KIF26B: variants seen among roughly 807,000 people sequenced by gnomAD.
KIF26B encodes the protein kinesin family member 26B, also known as kinesin-like protein KIF26B.
In KIF26B, 63 loss-of-function variants were observed where a neutral mutation model predicts 151.2. That is an observed-to-expected ratio of 0.42 (90% CI 0.34 to 0.51). The LOEUF is 0.51. Ranked by LOEUF, KIF26B falls within the 20% of genes least tolerant of loss-of-function variation. KIF26B has a pLI of 0.07. For synonymous variants in KIF26B, 1,357 were observed against 1,262.1 expected (o/e 1.08, Z -1.59); for missense variants, 2,813 against 2,913.6 (o/e 0.97, Z 0.79).
chr1:245,165,808 A>T (rs1302437553), intron 2 of KIF26B, among the ~76,000 whole-genome samples: 3 of 152,066 alleles, frequency 2.0e-5, no homozygotes, highest in Non-Finnish European at 2.9e-5. Context: ...GGAAGTAAGG[A>T]CTGAGGTTTT....
intron 4 of KIF26B, among the ~76,000 whole-genome samples, chr1:245,486,260 AG>A (rs1406112412): frequency 6.6e-6 from 1 of 152,244 alleles, no homozygotes; most frequent in Non-Finnish European, 1.5e-5. Flanking sequence ...CTCCAGAAAA[AG>A]GCTTCTGCCT....
chr1:245,358,849 A>G lies in KIF26B; in HGVS notation c.466-7985A>G, dbSNP rs774182171. 1.3e-4 allele frequency among the ~76,000 whole-genome samples: 20 copies of G among 152,328 alleles called. No homozygotes were observed. The highest frequency in any genetic ancestry group is 2.8e-4 in the Non-Finnish European group (19 of 68,036). ...CACTTTATTTTGTGTCATGTTGAAC[A>G]TGAACTTTAAAGTTAAGGGAAACAT... On this transcript the variant is annotated intron_variant, in intron 2 of 14. Transcript: ENST00000407071. The surrounding 1 kb of genome is among the most constrained non-coding windows in gnomAD (Gnocchi z 4.1).
Position 245,703,086 on chromosome 1 carries a change from T to C in KIF26B, c.*480T>C, listed in dbSNP as rs1334495680. On this transcript the variant is annotated 3_prime_UTR_variant, in exon 15 of 15. Transcript: ENST00000407071. ...TGTGTACAGATGGTGCTAGTCAAGA[T>C]GAAAACAACAAAACAAACAAGAAAA... 4 of 155,126 alleles carry C rather than the reference T, an allele frequency of 2.6e-5. No homozygotes were observed. The Admixed American group carries it at 2.6e-4, about 10-fold the overall frequency. 9.6% of individuals were successfully genotyped at this position (155,126 alleles called of 1,614,324 possible).
intron 4 of KIF26B, among the ~76,000 whole-genome samples, chr1:245,472,297 A>T (rs2103064412): frequency 6.6e-6 from 1 of 152,276 alleles, no homozygotes; most frequent in Admixed American, 6.5e-5. Context: ...TAAATGAGTG[A>T]ATGGATGTAT....
At chr1:245,336,098 AAAG>A (rs1222652800) in intron 2 of KIF26B, among the ~76,000 whole-genome samples, 97 of 137,448 alleles carry the variant, frequency 7.1e-4, no homozygotes, top group East Asian at 1.6e-3. Context: ...CCACGCAGGG[AAAG>A]GAGGGTCCCA....
intron 2 of KIF26B, among the ~76,000 whole-genome samples, chr1:245,204,586 C>T (rs994468974): frequency 1.6e-4 from 25 of 152,152 alleles, no homozygotes; most frequent in African/African-American, 6.0e-4. Flanking sequence ...GTTGGCCAGG[C>T]TGGTCTCGAG....
At chr1:245,683,664 G>A (rs1572200835) in intron 10 of KIF26B, among the ~76,000 whole-genome samples, 1 of 152,182 alleles carries the variant, frequency 6.6e-6, no homozygotes, top group Admixed American at 6.6e-5. Context: ...TCAGGAATAT[G>A]AATGCCTTTT....
intron 2 of KIF26B, among the ~76,000 whole-genome samples, chr1:245,249,667 G>A (rs1670407070): frequency 6.6e-6 from 1 of 152,040 alleles, no homozygotes; most frequent in East Asian, 1.9e-4. Context: ...ATTTTTAGTA[G>A]AGATGGGGTT....
At chr1:245,595,040 C>T (rs994763606) in intron 5 of KIF26B, among the ~76,000 whole-genome samples, 2 of 152,146 alleles carry the variant, frequency 1.3e-5, no homozygotes, top group Non-Finnish European at 2.9e-5. Context: ...CCTGAATTTG[C>T]TTATCAGCTT....
intron 2 of KIF26B, among the ~76,000 whole-genome samples, chr1:245,326,824 C>T (rs1414444267): frequency 2.6e-5 from 4 of 152,114 alleles, no homozygotes; most frequent in African/African-American, 7.2e-5. Flanking sequence ...ATCATAGAAC[C>T]GGGAGGTGAT....
rs541617380 is a variant in KIF26B at position 245,277,002 on chromosome 1, A to C, written c.466-89832A>C. On this transcript the variant is annotated intron_variant, in intron 2 of 14. Transcript: ENST00000407071. ...ACAGAAATGGAGGAGACACAAACACAGAGGAGAAGGCCATGCAAAGGTAGA... is the reference window on the plus strand; with the variant it reads ...ACAGAAATGGAGGAGACACAAACACCGAGGAGAAGGCCATGCAAAGGTAGA... 9.2e-5 allele frequency among the ~76,000 whole-genome samples: 14 copies of C among 152,298 alleles called. No homozygotes were observed. In the South Asian group the frequency reaches 2.9e-3, roughly 32 times the overall value.
chr1:245,551,477 C>G (rs1255293456), intron 5 of KIF26B, among the ~76,000 whole-genome samples: 2 of 152,152 alleles, frequency 1.3e-5, no homozygotes, highest in Non-Finnish European at 2.9e-5. Flanking sequence ...GAAAGCTAAT[C>G]ATAGGAAATC....
At chr1:245,361,405 T>G (rs532778639) in intron 2 of KIF26B, among the ~76,000 whole-genome samples, 1 of 152,368 alleles carries the variant, frequency 6.6e-6, no homozygotes, top group South Asian at 2.1e-4. Context: ...GTTTTTTTCT[T>G]TTTTTGTCTC....
At position 245,512,369 on chromosome 1, in the gene KIF26B, C is replaced by T. The variant is rs942157573; in HGVS notation, c.1167-28398C>T. 1.3e-5 allele frequency among the ~76,000 whole-genome samples: 2 copies of T among 152,190 alleles called. No homozygotes were observed. The highest frequency in any genetic ancestry group is 4.8e-5 in the African/African-American group (2 of 41,450). ...AGATTTCCTTTTAACATACCCTGCC[C>T]AGCCTTGGACAGAGGGAGTACTGTG... On this transcript the variant is annotated intron_variant, in intron 4 of 14. Transcript: ENST00000407071. This position sits in a 1 kb window ranked among gnomAD's most constrained non-coding sequence, Gnocchi z 4.3.
rs542793726 is a variant in KIF26B at position 245,522,015 on chromosome 1, A to G, written c.1167-18752A>G. Among the ~76,000 whole-genome samples the G allele has an allele frequency of 1.3e-3, 194 of 151,212 alleles. 2 individuals are homozygous for G. The highest frequency in any genetic ancestry group is 3.4e-3 in the Middle Eastern group (1 of 292). On this transcript the variant is annotated intron_variant, in intron 4 of 14. Transcript: ENST00000407071. Reference sequence around the variant, plus strand: ...CTCCCAAGTAGCTGGGACTACAGGCACCCGCCACCATGCCCGGCTAATTTT... The same window carrying G: ...CTCCCAAGTAGCTGGGACTACAGGCGCCCGCCACCATGCCCGGCTAATTTT...
chr1:245,638,115 T>C (rs371439132), intron 9 of KIF26B, among the ~76,000 whole-genome samples: 2 of 151,918 alleles, frequency 1.3e-5, no homozygotes, highest in South Asian at 4.2e-4. Flanking sequence ...TTTAATAATA[T>C]TAATTCTTCT....
rs1220053997 is a variant in KIF26B at position 245,685,703 on chromosome 1, A to T, written c.2720A>T (p.Glu907Val). ...QKTRGDSRPA[E>V]AGEAAAGKSE... ...ACCCGGGGCGACAGCCGGCCCGCAG[A>T]GGCAGGAGAGGCTGCAGCCGGCAAG... The change falls in exon 12 of 15, where the codon GAG (glutamate) becomes GTG (valine). Residue 907 changes from glutamate to valine, a missense_variant. Physicochemically the swap from Glu to Val is moderately radical, Grantham distance 121 (BLOSUM62 -2). Around this residue, in one of 3 missense-constraint regions of KIF26B, gnomAD observed 2,060 missense variants for 2,088.6 expected, o/e 0.99. Transcript: ENST00000407071. The T allele has an allele frequency of 6.2e-7, 1 of 1,612,368 alleles. No homozygotes were observed.
At position 245,660,274 on chromosome 1, in the gene KIF26B, T is replaced by C. The variant is rs2044120801; in HGVS notation, c.2258+13994T>C. 2.7e-4 allele frequency among the ~76,000 whole-genome samples: 4 copies of C among 14,922 alleles called. 1 individual carries two copies. The highest frequency in any genetic ancestry group is 0.042 in the Middle Eastern group (1 of 24). The allele number at this position is 14,922 out of a possible 152,430, so 9.8% of individuals were successfully genotyped here. On this transcript the variant is annotated intron_variant, in intron 10 of 14. Transcript: ENST00000407071. ...GGATTTGGCGCTGGTGTCGTGAGGA[T>C]CTAAGTACAGGGAAGTTCTGGGCAT... is the stretch of plus-strand genomic sequence containing the variant.
At chr1:245,361,220 C>T (rs1417064768) in intron 2 of KIF26B, among the ~76,000 whole-genome samples, 1 of 152,200 alleles carries the variant, frequency 6.6e-6, no homozygotes, top group East Asian at 1.9e-4. Context: ...CTCCCAGCTG[C>T]CTCGCTTGCA....
Sources: allele counts gnomAD v4.1 joint callset (sites outside exome capture counted in the v4.1 genomes callset), GRCh38; gene constraint gnomAD v4.1.1; regional missense constraint gnomAD v4.1.1; non-coding constraint Gnocchi (gnomAD v3.1); transcripts MANE v1.5; gene names NCBI Gene and HGNC (gene_info 2026-07-23, HGNC 2026-07-21).